Variants in INPP5D observed in about 807,000 individuals in gnomAD.
INPP5D encodes the protein inositol polyphosphate-5-phosphatase D.
Under a neutral mutation model 122.9 loss-of-function variants are expected in INPP5D, and 33 were observed. That is an observed-to-expected ratio of 0.27 (90% CI 0.20 to 0.36). INPP5D has a LOEUF of 0.36. Ranked by LOEUF, INPP5D falls within the 10% of genes least tolerant of loss-of-function variation. INPP5D has a pLI of 1.00. For missense variants in INPP5D, 1,053 were observed against 1,412.7 expected (o/e 0.75, Z 4.08); for synonymous variants, 584 against 576.2 (o/e 1.01, Z -0.19).
rs768744987 is a variant in INPP5D at position 233,204,291 on chromosome 2, C to T, written c.3141C>T (p.Pro1047=). The change falls in exon 26 of 27, where the codon CCC becomes CCT. Residue 1047 remains proline (P), a synonymous_variant. Coordinates refer to ENST00000445964, the MANE Select transcript of INPP5D (RefSeq NM_001017915.3). Reference sequence around the variant, plus strand: ...CCCCCAAAATGCCGCGGAAGGAACCCCCGCCCTGCCCGGAACCCGGCATCT... The same window carrying T: ...CCCCCAAAATGCCGCGGAAGGAACCTCCGCCCTGCCCGGAACCCGGCATCT... The part of the protein sequence containing the change: ...QESPKMPRKE[P]PPCPEPGILS... 2.5e-6 allele frequency: 4 copies of T among 1,613,018 alleles called. No individual in the cohort carries two copies. The highest frequency in any genetic ancestry group is 3.4e-6 in the Non-Finnish European group (4 of 1,179,692).
intron 3 of INPP5D, 129 bp from the exon 4 acceptor site, chr2:233,125,616 C>A (rs142409358): frequency 2.5e-6 from 2 of 806,030 alleles, no homozygotes; most frequent in East Asian, 2.7e-5. Context: ...AGGGAGTCAG[C>A]GAGGGACACG....
chr2:233,134,325 T>G (rs1693409788), intron 5 of INPP5D, among the ~76,000 whole-genome samples: 2 of 148,440 alleles, frequency 1.3e-5, no homozygotes, highest in African/African-American at 2.5e-5. Context: ...CACTGAAAGC[T>G]GGGGGTAAGG....
rs570229942 is a variant in INPP5D, at chr2:233,078,587, T to C, written c.135-748T>C. Among the ~76,000 whole-genome samples, 1 of 152,224 alleles carries C rather than the reference T, an allele frequency of 6.6e-6. No individual in the cohort carries two copies. The highest frequency in any genetic ancestry group is 1.5e-5 in the Non-Finnish European group (1 of 68,042). On this transcript the variant is annotated intron_variant, in intron 1 of 26. Coordinates refer to ENST00000445964, the MANE Select transcript of INPP5D (RefSeq NM_001017915.3). The surrounding 1 kb of genome is among the most constrained non-coding windows in gnomAD (Gnocchi z 4.6). ...CCCTGACAGGTGGCCCCTCTGTGGCTGGGCCTGGCTTTCCATTCACCATGG... is the reference window on the plus strand; with the variant it reads ...CCCTGACAGGTGGCCCCTCTGTGGCCGGGCCTGGCTTTCCATTCACCATGG...
At chr2:233,089,355 T>G (rs1212206180) in intron 2 of INPP5D, among the ~76,000 whole-genome samples, 1 of 152,240 alleles carries the variant, frequency 6.6e-6, no homozygotes, top group Non-Finnish European at 1.5e-5. Flanking sequence ...TTCCCATTTT[T>G]AAATTCAAGG....
At chr2:233,186,662 G>GT (rs1483964462) in intron 21 of INPP5D, among the ~76,000 whole-genome samples, 21 of 44,134 alleles carry the variant, frequency 4.8e-4, no homozygotes, top group Non-Finnish European at 7.2e-4. Flanking sequence ...TTTTTCTCTT[G>GT]TTTTTTTTTC....
intron 2 of INPP5D, among the ~76,000 whole-genome samples, chr2:233,121,121 CTTTTT>C (rs369587747): frequency 8.5e-6 from 1 of 117,652 alleles, no homozygotes; most frequent in African/African-American, 3.1e-5. Flanking sequence ...TTCTTTCTTT[CTTTTT>C]TTTTTTTCTT....
chr2:233,122,467 A>G (rs1397204308), intron 3 of INPP5D, among the ~76,000 whole-genome samples: 1 of 152,180 alleles, frequency 6.6e-6, no homozygotes, highest in East Asian at 1.9e-4. Flanking sequence ...ACCTTGGGGA[A>G]ATTACCTGAC....
rs1695495421 is a variant in INPP5D, at chr2:233,206,141, T to C, written c.3568-565T>C. ...CCAGCCCTCCCACCTCCTGGCTCTGTGCCTTGAGCCTCAGTTTACCCATCT... is the reference window on the plus strand; with the variant it reads ...CCAGCCCTCCCACCTCCTGGCTCTGCGCCTTGAGCCTCAGTTTACCCATCT... On this transcript the variant is annotated intron_variant, in intron 26 of 26. Coordinates refer to ENST00000445964, the MANE Select transcript of INPP5D (RefSeq NM_001017915.3). The surrounding 1 kb of genome is among the most constrained non-coding windows in gnomAD (Gnocchi z 4.0). Among the ~76,000 whole-genome samples, 1 of 152,098 alleles carries C rather than the reference T, an allele frequency of 6.6e-6. No individual in the cohort carries two copies. Among genetic ancestry groups the C allele is most frequent in the Non-Finnish European group, 1.5e-5 (1 of 68,028 alleles).
At chr2:233,148,908 C>A (rs1251426668) in intron 9 of INPP5D, among the ~76,000 whole-genome samples, 2 of 151,974 alleles carry the variant, frequency 1.3e-5, no homozygotes, top group Non-Finnish European at 2.9e-5. Context: ...TTAAGGTTGC[C>A]ACAATTAGCA....
At chr2:233,163,931 G>A (rs1273450742) in intron 12 of INPP5D, 28 bp downstream of exon 12, 2 of 1,609,288 alleles carry the variant, frequency 1.2e-6, no homozygotes, top group Non-Finnish European at 1.7e-6. Context: ...CGCTGGGTGG[G>A]CTTCCGGGAT....
chr2:233,176,586 T>G (rs373217663), intron 17 of INPP5D, among the ~76,000 whole-genome samples: 9 of 10 alleles, frequency 0.9, 4 homozygotes, highest in African/African-American at 1. Context: ...ATGTGTGGGT[T>G]GGTGGAGGAT....
At chr2:233,093,713 C>T (rs1358714916) in intron 2 of INPP5D, among the ~76,000 whole-genome samples, 1 of 151,372 alleles carries the variant, frequency 6.6e-6, no homozygotes, top group Non-Finnish European at 1.5e-5. Flanking sequence ...TTATGTTAAG[C>T]TCATCAAGTG....
chr2:233,114,295 C>T (rs1049642093), intron 2 of INPP5D, among the ~76,000 whole-genome samples: 1 of 152,248 alleles, frequency 6.6e-6, no homozygotes, highest in Admixed American at 6.5e-5. Context: ...CTTTCTCCCC[C>T]ACTTCTTCAC....
At chr2:233,134,535 T>A (rs1693414184) in intron 5 of INPP5D, among the ~76,000 whole-genome samples, 1 of 152,080 alleles carries the variant, frequency 6.6e-6, no homozygotes, top group Non-Finnish European at 1.5e-5. Context: ...TCTGCAGAAA[T>A]GTTGTGACGA....
At chr2:233,167,786 C>T (rs1694383917) in intron 13 of INPP5D, among the ~76,000 whole-genome samples, 1 of 152,074 alleles carries the variant, frequency 6.6e-6, no homozygotes, top group African/African-American at 2.4e-5. Flanking sequence ...AGGCAGATTG[C>T]CAGAGCTCAG....
At chr2:233,110,724 C>A (rs1032342647) in intron 2 of INPP5D, among the ~76,000 whole-genome samples, 1 of 152,256 alleles carries the variant, frequency 6.6e-6, no homozygotes, top group East Asian at 1.9e-4. Context: ...GAGTTCGAGA[C>A]CAGCCTGGCC....
At chr2:233,131,539 A>T (rs1420452545) in intron 5 of INPP5D, among the ~76,000 whole-genome samples, 1 of 151,992 alleles carries the variant, frequency 6.6e-6, no homozygotes, top group Non-Finnish European at 1.5e-5. Context: ...TCTACTAAAA[A>T]AAAAAAAAAA....
rs370241371 is a variant in INPP5D at position 233,084,443 on chromosome 2, G to GA, written c.198+5051dup. Reference sequence around the variant, plus strand: ...TTCATTATTCTTTCCCGATTTGGAAGAAAAAATCCAGTGGTCTGAGCCATT... The same window carrying GA: ...TTCATTATTCTTTCCCGATTTGGAAGAAAAAAATCCAGTGGTCTGAGCCATT... On this transcript the variant is annotated intron_variant, in intron 2 of 26. Coordinates refer to ENST00000445964, the MANE Select transcript of INPP5D (RefSeq NM_001017915.3). Among the ~76,000 whole-genome samples the GA allele has an allele frequency of 2.8e-3, 430 of 152,300 alleles. 2 individuals carry two copies. The highest frequency in any genetic ancestry group is 4.3e-3 in the Non-Finnish European group (292 of 68,020).
chr2:233,111,067 A>T (rs555849840), intron 2 of INPP5D, among the ~76,000 whole-genome samples: 1 of 152,352 alleles, frequency 6.6e-6, no homozygotes, highest in African/African-American at 2.4e-5. Flanking sequence ...GTTTTAGCAT[A>T]CTGTTTATCA....
Sources: allele counts gnomAD v4.1 joint callset (sites outside exome capture counted in the v4.1 genomes callset), GRCh38; gene constraint gnomAD v4.1.1; non-coding constraint Gnocchi (gnomAD v3.1); transcripts MANE v1.5; gene names NCBI Gene and HGNC (gene_info 2026-07-23, HGNC 2026-07-21).